CHRM3: variants seen among roughly 807,000 people sequenced by gnomAD.
The protein encoded by CHRM3 is muscarinic acetylcholine receptor M3.
Under a neutral mutation model 41.8 loss-of-function variants are expected in CHRM3, and 11 were observed. That is an observed-to-expected ratio of 0.26 (90% confidence interval 0.17 to 0.44). The LOEUF is 0.44. CHRM3 is among the 20% of genes least tolerant of loss of function. The probability of loss-of-function intolerance (pLI) is 1.00; values close to 1 mark genes in which losing one functional copy is unlikely to be tolerated. For missense variants in CHRM3, 571 were observed against 745.4 expected, an observed-to-expected ratio of 0.77 and a Z score of 2.72; for synonymous variants, 297 against 301.4, an observed-to-expected ratio of 0.99 and a Z score of 0.15.
At chr1:239,498,032 A>G (rs1667995160) in intron 2 of CHRM3, among the ~76,000 whole-genome samples, 1 of 152,210 alleles carries the variant, frequency 6.6e-6, no homozygotes, top group African/African-American at 2.4e-5. Context: ...ACCAGTTGCT[A>G]TGGCTAGACC....
chr1:239,878,808 T>C (rs1440787597), intron 6 of CHRM3, among the ~76,000 whole-genome samples: 2 of 152,076 alleles, frequency 1.3e-5, no homozygotes, highest in African/African-American at 2.4e-5. Context: ...GTCAGTTTAC[T>C]CATTGCCACG....
intron 3 of CHRM3, among the ~76,000 whole-genome samples, chr1:239,554,484 G>A (rs1041131737): frequency 2.6e-5 from 4 of 151,830 alleles, no homozygotes; most frequent in East Asian, 3.9e-4. Context: ...GTGTGTGCAC[G>A]CACGCAGGCA....
intron 5 of CHRM3, among the ~76,000 whole-genome samples, chr1:239,740,430 G>A (rs921053559): frequency 1.3e-5 from 2 of 150,950 alleles, no homozygotes; most frequent in Non-Finnish European, 2.9e-5. Flanking sequence ...AGGTACCACT[G>A]ACTACCAAGA....
intron 4 of CHRM3, among the ~76,000 whole-genome samples, chr1:239,638,015 TG>T (rs1670677557): frequency 6.7e-6 from 1 of 150,142 alleles, no homozygotes; most frequent in Non-Finnish European, 1.5e-5. Context: ...GTGCAGTGTT[TG>T]GTTTTTTGTT....
intron 2 of CHRM3, among the ~76,000 whole-genome samples, chr1:239,504,245 A>G (rs1668423170): frequency 6.6e-6 from 1 of 152,204 alleles, no homozygotes; most frequent in Non-Finnish European, 1.5e-5. Context: ...TCCCATAAAA[A>G]AGGGGGCTGA....
intron 3 of CHRM3, among the ~76,000 whole-genome samples, chr1:239,599,716 G>A (rs190932377): frequency 1.2e-3 from 190 of 152,132 alleles, no homozygotes; most frequent in Non-Finnish European, 4.4e-4. Flanking sequence ...CCTTAAACAC[G>A]CCCAGAACAC....
chr1:239,818,373 A>C (rs1400307147), intron 5 of CHRM3, among the ~76,000 whole-genome samples: 1 of 152,180 alleles, frequency 6.6e-6, no homozygotes, highest in African/African-American at 2.4e-5. Flanking sequence ...ATGAATTTTA[A>C]AAAACACAAT....
intron 3 of CHRM3, among the ~76,000 whole-genome samples, chr1:239,608,655 A>G (rs1404373010): frequency 1.3e-5 from 2 of 152,196 alleles, no homozygotes; most frequent in Admixed American, 1.3e-4. Context: ...TAGAATGACA[A>G]TGGCGCTGCC....
intron 5 of CHRM3, among the ~76,000 whole-genome samples, chr1:239,790,902 A>T (rs1669290488): frequency 6.6e-6 from 1 of 152,204 alleles, no homozygotes; most frequent in Non-Finnish European, 1.5e-5. Context: ...TAAAACATGT[A>T]TAAGTTTGTG....
rs182174888 is a variant in CHRM3 at position 239,406,284 on chromosome 1, G to C, written c.-521+19057G>C. 9.2e-5 allele frequency among the ~76,000 whole-genome samples: 14 copies of C among 152,294 alleles called. No homozygotes were observed. The East Asian group carries it at 2.5e-3, about 27-fold the overall frequency. ...CTGTTTATGTGAAAAAGTTCAAATA[G>C]GCTTTGCAAAATGAGATAGAGATGA... On this transcript the variant is annotated intron_variant, in intron 1 of 6. Transcript: ENST00000676153.
intron 5 of CHRM3, among the ~76,000 whole-genome samples, chr1:239,694,250 T>C (rs925016273): frequency 1.3e-5 from 2 of 152,226 alleles, no homozygotes; most frequent in Non-Finnish European, 2.9e-5. Flanking sequence ...TAAAAACTTA[T>C]GATTGTAATG....
At chr1:239,749,047 A>C (rs1665594615) in intron 5 of CHRM3, among the ~76,000 whole-genome samples, 1 of 152,144 alleles carries the variant, frequency 6.6e-6, no homozygotes, top group African/African-American at 2.4e-5. Context: ...AGGACCACAG[A>C]CTGTTTTTCT....
At chr1:239,765,818 CTT>C (rs1340202928) in intron 5 of CHRM3, among the ~76,000 whole-genome samples, 26 of 140,262 alleles carry the variant, frequency 1.9e-4, no homozygotes, top group Non-Finnish European at 1.7e-4. Context: ...TCTTTTTTAT[CTT>C]TTTTTTTTTT....
At chr1:239,464,202 C>G (rs1219141557) in intron 1 of CHRM3, among the ~76,000 whole-genome samples, 1 of 151,526 alleles carries the variant, frequency 6.6e-6, no homozygotes, top group Non-Finnish European at 1.5e-5. Flanking sequence ...ATCACTTGAA[C>G]CCAGGAAGCA....
intron 1 of CHRM3, among the ~76,000 whole-genome samples, chr1:239,399,797 G>A (rs1470708391): frequency 7.0e-6 from 1 of 142,818 alleles, no homozygotes; most frequent in Non-Finnish European, 1.5e-5. Context: ...AAGAGTGCTG[G>A]AGTGAATATG....
At chr1:239,610,539 T>C (rs1342827366) in intron 3 of CHRM3, among the ~76,000 whole-genome samples, 3 of 152,188 alleles carry the variant, frequency 2.0e-5, no homozygotes, top group Non-Finnish European at 4.4e-5. Context: ...TGGGCACAAT[T>C]ATAGCTAAAA....
intron 3 of CHRM3, among the ~76,000 whole-genome samples, chr1:239,620,017 G>T (rs1558385373): frequency 1.3e-5 from 2 of 152,116 alleles, no homozygotes; most frequent in African/African-American, 2.4e-5. Flanking sequence ...GGAGCTTCAG[G>T]ACTGGACCTT....
intron 5 of CHRM3, among the ~76,000 whole-genome samples, chr1:239,736,561 G>A (rs17597661): frequency 1.3e-5 from 2 of 151,906 alleles, no homozygotes; most frequent in Non-Finnish European, 2.9e-5. Context: ...ATGTATTATC[G>A]GATGTTGAAC....
intron 6 of CHRM3, among the ~76,000 whole-genome samples, chr1:239,859,473 T>G (rs1675424283): frequency 6.7e-6 from 1 of 149,182 alleles, no homozygotes; most frequent in Non-Finnish European, 1.5e-5. Flanking sequence ...TTGCCCAGGC[T>G]GGAGTGCAGT....
Sources: allele counts gnomAD v4.1 joint callset (sites outside exome capture counted in the v4.1 genomes callset), GRCh38; gene constraint gnomAD v4.1.1; transcripts MANE v1.5; gene names NCBI Gene and HGNC (gene_info 2026-07-23, HGNC 2026-07-21).